The following LRRIQ1 variants were observed in gnomAD, a reference collection of about 807,000 sequenced individuals.
LRRIQ1 encodes leucine rich repeats and IQ motif containing 1, also known as leucine-rich repeat- and IQ domain-containing protein 1.
Under a neutral mutation model 211.9 loss-of-function variants are expected in LRRIQ1, and 210 were observed. The ratio of observed to expected loss-of-function variants is 0.99; its 90% confidence interval spans 0.89 to 1.11. LRRIQ1 has a LOEUF of 1.11. Ranked by LOEUF, LRRIQ1 falls within the 50% of genes most tolerant of loss-of-function variation. The pLI, the probability that LRRIQ1 is intolerant of heterozygous loss-of-function variation, is 0.00. For missense variants in LRRIQ1, 2,136 were observed against 1,939.5 expected (o/e 1.10, Z -1.90); for synonymous variants, 699 against 650.1 (o/e 1.08, Z -1.14).
chr12:85,263,967 C>T (rs934437416), exon 2 of LRRIQ1: 2 of 151,914 alleles, frequency 1.3e-5, no homozygotes, highest in Non-Finnish European at 2.9e-5. Flanking sequence ...GTTACTCTCC[C>T]GAGTCTGGAA....
At chr12:85,264,748 G>C (rs1379262202), downstream of LRRIQ1, among the ~76,000 whole-genome samples, 2 of 152,042 alleles carry the variant, frequency 1.3e-5, no homozygotes, top group South Asian at 2.1e-4. Flanking sequence ...TCACTTAGTT[G>C]GCACTGAATT....
At chr12:85,268,213 A>G (rs1335037287), downstream of LRRIQ1, among the ~76,000 whole-genome samples, 1 of 152,054 alleles carries the variant, frequency 6.6e-6, no homozygotes, top group Non-Finnish European at 1.5e-5. Context: ...TTGTCTTGAA[A>G]TGGAAGTAGA....
intron 15 of LRRIQ1, 44 bp downstream of exon 15, chr12:85,106,659 T>C: frequency 7.6e-7 from 1 of 1,323,564 alleles, no homozygotes. Flanking sequence ...ATTATTATAG[T>C]TGCAGAAAAA....
At chr12:85,120,391 G>A (rs1592833224) in intron 15 of LRRIQ1, among the ~76,000 whole-genome samples, 1 of 152,114 alleles carries the variant, frequency 6.6e-6, no homozygotes, top group Admixed American at 6.6e-5. Flanking sequence ...CCTTTGATCT[G>A]TCTATTCTTT....
chr12:85,198,179 A>G, intron 24 of LRRIQ1, among the ~76,000 whole-genome samples: 1 of 128,582 alleles, frequency 7.8e-6, no homozygotes, highest in Middle Eastern at 3.8e-3. Flanking sequence ...TTATATTTAT[A>G]TATATATATT....
At chr12:85,257,177 G>GATATA (rs1896138769) in intron 1 of LRRIQ1, among the ~76,000 whole-genome samples, 3 of 1,728 alleles carry the variant, frequency 1.7e-3, no homozygotes, top group African/African-American at 6.0e-3. Flanking sequence ...TAATAATTAT[G>GATATA]TATTAATTAT....
In LRRIQ1 at chr12:85,056,698, T is replaced by G. The variant is rs1199940319; in HGVS notation, c.1905T>G (p.Ile635Met). The change falls in exon 8 of 27, where the codon ATT (isoleucine) becomes ATG (methionine). Residue 635 changes from isoleucine (I) to methionine (M), a missense_variant. Coordinates refer to ENST00000393217, the MANE Select transcript of LRRIQ1 (RefSeq NM_001079910.2). ...ACGTAATATTACAAGAAAAAGAAAT[T>G]TATTCAAAATCCAAAGAAATTGAGG... ...RENVILQEKEIYSKSKEIEEN... is the reference protein window; with the variant it reads ...RENVILQEKEMYSKSKEIEEN... 5.0e-6 allele frequency: 8 copies of G among 1,606,812 alleles called. No homozygotes were observed. The highest frequency in any genetic ancestry group is 2.2e-5 in the East Asian group (1 of 44,740).
At chr12:85,047,674 C>G (rs752811429) in intron 6 of LRRIQ1, 1 of 463,776 alleles carries the variant, frequency 2.2e-6, no homozygotes. Flanking sequence ...AGGTCAGACA[C>G]ACTTCTGATC....
At chr12:85,225,541 A>G (rs984664731) in intron 24 of LRRIQ1, among the ~76,000 whole-genome samples, 5 of 152,324 alleles carry the variant, frequency 3.3e-5, no homozygotes, top group African/African-American at 1.2e-4. Context: ...TTTAAATAAA[A>G]TTACTTAAGG....
downstream of LRRIQ1, among the ~76,000 whole-genome samples, chr12:85,246,470 T>G (rs1405032123): frequency 6.6e-6 from 1 of 151,336 alleles, no homozygotes; most frequent in African/African-American, 2.4e-5. Context: ...AACAAAAAAT[T>G]GCTTTTTCAC....
chr12:85,162,174 T>A (rs1890922677), intron 24 of LRRIQ1, among the ~76,000 whole-genome samples: 1 of 152,106 alleles, frequency 6.6e-6, no homozygotes, highest in Non-Finnish European at 1.5e-5. Context: ...ATATTAAATA[T>A]TTTCCATAGT....
chr12:85,069,701 A>G (rs866401673), intron 10 of LRRIQ1, among the ~76,000 whole-genome samples: 5 of 151,954 alleles, frequency 3.3e-5, no homozygotes, highest in Admixed American at 6.6e-5. Flanking sequence ...GTGATGATGA[A>G]CATTTTTTCA....
chr12:85,229,905 T>C (rs2137182612), intron 25 of LRRIQ1, among the ~76,000 whole-genome samples: 1 of 152,352 alleles, frequency 6.6e-6, no homozygotes, highest in African/African-American at 2.4e-5. Context: ...TTCTACTCTA[T>C]AAAGTAAAAA....
Position 85,160,479 on chromosome 12 carries a change from ACAT to A in LRRIQ1, c.4721-125_4721-123del, listed in dbSNP as rs150427815. 6.3e-3 allele frequency: 3,204 copies of A among 507,300 alleles called. 89 individuals are homozygous for A. The highest frequency in any genetic ancestry group is 0.057 in the African/African-American group (2,973 of 52,090). 31.4% of individuals were successfully genotyped at this position (507,300 alleles called of 1,614,324 possible). On this transcript the variant is annotated intron_variant, in intron 23 of 26. Coordinates refer to ENST00000393217, the MANE Select transcript of LRRIQ1 (RefSeq NM_001079910.2). ...TTTCCATGTTATGAAGCTTAATATA[ACAT>A]CATCATCAATTTCATAGAGCTTTAT...
intron 11 of LRRIQ1, among the ~76,000 whole-genome samples, chr12:85,080,621 GA>G (rs1434842554): frequency 6.6e-6 from 1 of 150,446 alleles, no homozygotes; most frequent in African/African-American, 2.4e-5. Flanking sequence ...ATCTATCCAT[GA>G]AAGTGTTGTT....
In LRRIQ1 at chr12:85,099,011, G is replaced by T. The variant is rs542586998; in HGVS notation, c.3209+17G>T. On this transcript the variant is annotated intron_variant, in intron 13 of 26. Coordinates refer to ENST00000393217, the MANE Select transcript of LRRIQ1 (RefSeq NM_001079910.2). ...TCAAAACAGGTAAAAGCATACTTAAGAAATAAATTCAGTGAATGATTGTTT... is the reference window on the plus strand; with the variant it reads ...TCAAAACAGGTAAAAGCATACTTAATAAATAAATTCAGTGAATGATTGTTT... The T allele has an allele frequency of 1.0e-5, 15 of 1,488,550 alleles. No individual in the cohort carries two copies. Among genetic ancestry groups the T allele is most frequent in the African/African-American group, 4.3e-5 (3 of 69,890 alleles). The allele number at this position is 1,488,550 out of a possible 1,614,324, so 92.2% of individuals were successfully genotyped here.
intron 18 of LRRIQ1, among the ~76,000 whole-genome samples, chr12:85,133,953 T>C (rs984942118): frequency 2.0e-5 from 3 of 152,082 alleles, no homozygotes; most frequent in Admixed American, 2.0e-4. Flanking sequence ...TCCAACACAG[T>C]AGTATCACTG....
chr12:85,066,080 A>G (rs1882398596), intron 9 of LRRIQ1, among the ~76,000 whole-genome samples: 1 of 151,910 alleles, frequency 6.6e-6, no homozygotes, highest in East Asian at 1.9e-4. Flanking sequence ...CCATATGGAT[A>G]TGCGAATATT....
intron 24 of LRRIQ1, among the ~76,000 whole-genome samples, chr12:85,183,892 G>A (rs182709379): frequency 1.1e-3 from 172 of 152,148 alleles, no homozygotes; most frequent in African/African-American, 4.1e-3. Context: ...TATGTTCTAT[G>A]TAGACTTTTC....
Sources: allele counts gnomAD v4.1 joint callset (sites outside exome capture counted in the v4.1 genomes callset), GRCh38; gene constraint gnomAD v4.1.1; transcripts MANE v1.5; gene names NCBI Gene and HGNC (gene_info 2026-07-23, HGNC 2026-07-21).